The following PCDHGB7 variants were observed in gnomAD, a reference collection of about 807,000 sequenced individuals.
PCDHGB7 encodes the protein protocadherin gamma subfamily B, 7, also known as protocadherin gamma-B7.
A neutral mutation model predicts 61.4 loss-of-function variants in PCDHGB7; 37 were observed. That is an observed-to-expected ratio of 0.60 (90% CI 0.46 to 0.79). The LOEUF is 0.79. PCDHGB7 is among the 30% of genes least tolerant of loss of function. The pLI is 0.00. For missense variants in PCDHGB7, 1,166 were observed against 1,202.5 expected (o/e 0.97, Z 0.45); for synonymous variants, 464 against 503.5 (o/e 0.92, Z 1.05).
Position 141,451,147 on chromosome 5 carries a change from A to G in PCDHGB7, c.2415+30873A>G, listed in dbSNP as rs2098708727. ...CCAGCCTTATGATTGTATTTAGACT[A>G]GACATTTTTTTGGTAGTATATTATT... On this transcript the variant is annotated intron_variant, in intron 1 of 3. Coordinates refer to ENST00000398594, the MANE Select transcript of PCDHGB7 (RefSeq NM_018927.4). Among the ~76,000 whole-genome samples, 3 of 152,250 alleles carry G rather than the reference A, an allele frequency of 2.0e-5. No homozygotes were observed. In the South Asian group the frequency reaches 6.2e-4, roughly 32 times the overall value.
At chr5:141,482,801 G>C (rs1230060558) in intron 1 of PCDHGB7, among the ~76,000 whole-genome samples, 1 of 152,176 alleles carries the variant, frequency 6.6e-6, no homozygotes, top group African/African-American at 2.4e-5. Flanking sequence ...GCCGGGTACG[G>C]TGGCTCATGC....
chr5:141,453,052 G>A (rs1299518260), intron 1 of PCDHGB7, among the ~76,000 whole-genome samples: 2 of 152,062 alleles, frequency 1.3e-5, no homozygotes, highest in East Asian at 3.9e-4. Flanking sequence ...ATTATGTGCA[G>A]TTTTAGAGTT....
intron 1 of PCDHGB7, among the ~76,000 whole-genome samples, chr5:141,481,700 T>C (rs1283509788): frequency 2.0e-5 from 3 of 152,034 alleles, no homozygotes; most frequent in Non-Finnish European, 4.4e-5. Context: ...ACGCCTGTAA[T>C]CCCAGCACTT....
chr5:141,443,826 G>C (rs955306823), intron 1 of PCDHGB7, among the ~76,000 whole-genome samples: 1 of 151,978 alleles, frequency 6.6e-6, no homozygotes, highest in African/African-American at 2.4e-5. Flanking sequence ...AACATAATTA[G>C]GTAAAATGGG....
chr5:141,435,334 T>A (rs1223377462), intron 1 of PCDHGB7, among the ~76,000 whole-genome samples: 1 of 152,196 alleles, frequency 6.6e-6, no homozygotes, highest in African/African-American at 2.4e-5. Flanking sequence ...ATATAGTGAA[T>A]TTATTTCTTC....
chr5:141,428,029 C>G, intron 1 of PCDHGB7: 2 of 1,607,160 alleles, frequency 1.2e-6, no homozygotes, highest in Non-Finnish European at 1.7e-6. Flanking sequence ...GCCGCAGAGT[C>G]CGGCTACCTG....
chr5:141,423,170 A>G, intron 1 of PCDHGB7: 8 of 1,613,504 alleles, frequency 5.0e-6, no homozygotes, highest in Non-Finnish European at 6.8e-6. Context: ...GTGGCCGTCC[A>G]GGACCACGGC....
At chr5:141,502,621 A>G (rs918589202) in intron 2 of PCDHGB7, among the ~76,000 whole-genome samples, 3 of 152,162 alleles carry the variant, frequency 2.0e-5, no homozygotes, top group African/African-American at 7.2e-5. Context: ...AAATATAAGT[A>G]ATCTGTGGAT....
intron 1 of PCDHGB7, chr5:141,426,221 A>G (rs1279749881): frequency 6.3e-6 from 1 of 158,300 alleles, no homozygotes; most frequent in Non-Finnish European, 1.4e-5. Context: ...GGAAGTAAAT[A>G]TTTTAAAAGC....
intron 1 of PCDHGB7, 45 bp downstream of exon 1, chr5:141,420,319 G>T (rs1393746531): frequency 7.0e-7 from 1 of 1,437,422 alleles, no homozygotes; most frequent in African/African-American, 1.4e-5. Context: ...ATTACAATAT[G>T]CCAATATATT....
intron 1 of PCDHGB7, chr5:141,423,728 T>C (rs1312071121): frequency 9.4e-6 from 10 of 1,067,510 alleles, no homozygotes; most frequent in Non-Finnish European, 1.1e-5. Context: ...AGATGTTTTT[T>C]GAGCCTGTTA....
At chr5:141,430,811 A>G (rs1193066300) in intron 1 of PCDHGB7, 1 of 1,527,400 alleles carries the variant, frequency 6.5e-7, no homozygotes. Flanking sequence ...CCTGCTGGGA[A>G]TCCTCCTGGG....
At chr5:141,504,147 T>C (rs2099836026) in intron 2 of PCDHGB7, among the ~76,000 whole-genome samples, 1 of 152,198 alleles carries the variant, frequency 6.6e-6, no homozygotes, top group South Asian at 2.1e-4. Flanking sequence ...CCCCTGCAAA[T>C]TGAAATAATT....
intron 2 of PCDHGB7, among the ~76,000 whole-genome samples, chr5:141,497,781 C>T (rs2099779421): frequency 1.3e-5 from 2 of 152,192 alleles, no homozygotes; most frequent in African/African-American, 4.8e-5. Flanking sequence ...CTCAACTGAT[C>T]CACCTGCTTC....
At position 141,423,756 on chromosome 5, in the gene PCDHGB7, G is replaced by GGA. The variant is rs1554116833; in HGVS notation, c.2415+3483_2415+3484insAG. 3 of 448,454 alleles carry GGA rather than the reference G, an allele frequency of 6.7e-6. No individual in the cohort carries two copies. In the African/African-American group the frequency reaches 8.4e-5, roughly 13 times the overall value. The allele number at this position is 448,454 out of a possible 1,614,324, so 27.8% of individuals were successfully genotyped here. A position where few individuals can be genotyped will look rare whatever the true frequency, so the allele number is the denominator to read the frequency against. ...GCCTGTTATGAAAACTGTTTGGGGG[G>GGA]GGGGTGGGGCGGCATATATTTAGTT... On this transcript the variant is annotated intron_variant, in intron 1 of 3. Coordinates refer to ENST00000398594, the MANE Select transcript of PCDHGB7 (RefSeq NM_018927.4).
In PCDHGB7 at chr5:141,486,828, G is replaced by T. The variant is rs140257646; in HGVS notation, c.2416-7979G>T. ...CCCCTTAGCAGCACTGTAACAGTTC[G>T]TCTATTTGTGCTGGACCTCAATGAC... On this transcript the variant is annotated intron_variant, in intron 1 of 3. Coordinates refer to ENST00000398594, the MANE Select transcript of PCDHGB7 (RefSeq NM_018927.4). This position sits in a 1 kb window ranked among gnomAD's most constrained non-coding sequence, Gnocchi z 5.0. The T allele has an allele frequency of 8.7e-6, 14 of 1,614,218 alleles. No homozygotes were observed. The highest frequency in any genetic ancestry group is 1.2e-5 in the Non-Finnish European group (14 of 1,180,042).
intron 1 of PCDHGB7, chr5:141,492,023 C>T: frequency 1.8e-6 from 1 of 564,804 alleles, no homozygotes; most frequent in Non-Finnish European, 3.0e-6. Context: ...TCGGGGGTCC[C>T]GGGAGGAGGC....
At chr5:141,456,099 G>A (rs1428094221) in intron 1 of PCDHGB7, among the ~76,000 whole-genome samples, 5 of 151,980 alleles carry the variant, frequency 3.3e-5, no homozygotes, top group East Asian at 1.9e-4. Flanking sequence ...GGATTTCACC[G>A]TGTTAGCCAG....
Position 141,489,564 on chromosome 5 carries a change from G to A in PCDHGB7, c.2416-5243G>A, listed in dbSNP as rs375200685. The A allele has an allele frequency of 1.9e-6, 3 of 1,613,980 alleles. No homozygotes were observed. Among genetic ancestry groups the A allele is most frequent in the Non-Finnish European group, 1.7e-6 (2 of 1,180,020 alleles). On this transcript the variant is annotated intron_variant, in intron 1 of 3. Transcript: ENST00000398594. This position sits in a 1 kb window ranked among gnomAD's most constrained non-coding sequence, Gnocchi z 4.5. Reference sequence around the variant, plus strand: ...CCAGCTGCCTGCTGCCAGTGCAGGTGGTGACTGAACACCCCCTGGAGCTAA... The same window carrying A: ...CCAGCTGCCTGCTGCCAGTGCAGGTAGTGACTGAACACCCCCTGGAGCTAA...
Sources: gnomAD v4.1 joint callset for allele counts (sites outside exome capture counted in the v4.1 genomes callset) on GRCh38, gnomAD v4.1.1 for gene constraint, Gnocchi (gnomAD v3.1) non-coding constraint, MANE v1.5 for transcripts, NCBI Gene and HGNC (gene_info 2026-07-23, HGNC 2026-07-21) for gene names.